The following GRID2 variants were observed in gnomAD, a reference collection of about 807,000 sequenced individuals.
GRID2 encodes the protein glutamate ionotropic receptor delta type subunit 2.
Under a neutral mutation model 114.8 loss-of-function variants are expected in GRID2, and 33 were observed. The ratio of observed to expected loss-of-function variants is 0.29; its 90% CI spans 0.22 to 0.38. The LOEUF is 0.38. Among genes scored for constraint, GRID2 ranks in the 10% least tolerant of loss-of-function variants. The probability of loss-of-function intolerance (pLI) is 1.00; values close to 1 mark genes in which losing one functional copy is unlikely to be tolerated. For missense variants in GRID2, 1,184 were observed against 1,257.7 expected, an observed-to-expected ratio of 0.94 and a Z score of 0.89; for synonymous variants, 505 against 449.9, an observed-to-expected ratio of 1.12 and a Z score of -1.55.
At chr4:92,733,743 AAGTGTAAGATC>A (rs1736445684) in intron 2 of GRID2, among the ~76,000 whole-genome samples, 1 of 152,110 alleles carries the variant, frequency 6.6e-6, no homozygotes, top group Admixed American at 6.6e-5. Context: ...GAGTTAAATC[AAGTGTAAGATC>A]CTGGGGGCTG....
intron 2 of GRID2, among the ~76,000 whole-genome samples, chr4:92,874,993 A>T (rs1299136129): frequency 6.6e-6 from 1 of 152,136 alleles, no homozygotes; most frequent in Admixed American, 6.6e-5. Context: ...TCAAGTGTGT[A>T]TCCATAAAAT....
intron 13 of GRID2, among the ~76,000 whole-genome samples, chr4:93,591,664 C>T (rs558715202): frequency 0.075 from 11,394 of 151,810 alleles, 522 homozygotes; most frequent in Non-Finnish European, 0.11. Flanking sequence ...TGGTAGAATT[C>T]GGCTGTGAAT....
At chr4:92,530,506 C>CAAAAA (rs1178226207) in intron 1 of GRID2, among the ~76,000 whole-genome samples, 1 of 45,822 alleles carries the variant, frequency 2.2e-5, no homozygotes, top group African/African-American at 1.1e-4. Flanking sequence ...GTGACTAGTA[C>CAAAAA]AGAAAAAAAA....
At chr4:92,313,415 C>T (rs1336947869) in intron 1 of GRID2, among the ~76,000 whole-genome samples, 1 of 151,644 alleles carries the variant, frequency 6.6e-6, no homozygotes, top group African/African-American at 2.4e-5. Context: ...ACGAATCTCC[C>T]CTAAAGAAAC....
At chr4:92,914,946 T>C (rs920297440) in intron 2 of GRID2, among the ~76,000 whole-genome samples, 1 of 152,132 alleles carries the variant, frequency 6.6e-6, no homozygotes, top group Admixed American at 6.6e-5. Flanking sequence ...TCTATCTTCA[T>C]GTTGCTATAA....
intron 1 of GRID2, among the ~76,000 whole-genome samples, chr4:92,388,566 ACT>A (rs1403101025): frequency 1.3e-5 from 2 of 151,802 alleles, no homozygotes; most frequent in East Asian, 1.9e-4. Context: ...TGGCTCTAAG[ACT>A]CTCATCTTTT....
rs556997996 is a variant in GRID2 at position 93,085,172 on chromosome 4, A to G, written c.422A>G (p.Asp141Gly). The change falls in exon 3 of 16, where the codon GAC becomes GGC. Residue 141 changes from aspartate to glycine, a missense_variant. Coordinates refer to ENST00000282020, the MANE Select transcript of GRID2 (RefSeq NM_001510.4). ...CTCACCCGGAGCAACAGGAATGATG[A>G]CTACACTCTCTCAGTTCGCCCACCT... ...CGLTRSNRNDDYTLSVRPPVY... is the reference protein window; with the variant it reads ...CGLTRSNRNDGYTLSVRPPVY... 1.1e-5 allele frequency: 18 copies of G among 1,613,972 alleles called. No individual in the cohort carries two copies. In the South Asian group the frequency reaches 2.0e-4, roughly 18 times the overall value.
At chr4:93,644,547 G>A (rs1721931500) in intron 14 of GRID2, among the ~76,000 whole-genome samples, 1 of 152,040 alleles carries the variant, frequency 6.6e-6, no homozygotes, top group Admixed American at 6.6e-5. Flanking sequence ...AATGAACCAA[G>A]ATCCCTTTAG....
At chr4:93,330,171 A>G (rs1307577853) in intron 8 of GRID2, among the ~76,000 whole-genome samples, 2 of 152,170 alleles carry the variant, frequency 1.3e-5, no homozygotes, top group Admixed American at 6.5e-5. Flanking sequence ...CTGCTCCTTT[A>G]TATTCAGGCT....
chr4:93,030,868 G>A (rs542533645), intron 2 of GRID2, among the ~76,000 whole-genome samples: 5 of 151,716 alleles, frequency 3.3e-5, no homozygotes, highest in South Asian at 2.1e-4. Flanking sequence ...AGAGAGGAAA[G>A]GAATGGGAAA....
intron 8 of GRID2, among the ~76,000 whole-genome samples, chr4:93,328,864 T>C (rs996755109): frequency 6.6e-6 from 1 of 152,118 alleles, no homozygotes; most frequent in African/African-American, 2.4e-5. Flanking sequence ...CAATCATTCA[T>C]TGGACTGGAT....
intron 2 of GRID2, among the ~76,000 whole-genome samples, chr4:92,627,598 T>A (rs1219252308): frequency 6.6e-6 from 1 of 152,132 alleles, no homozygotes; most frequent in Admixed American, 6.6e-5. Flanking sequence ...ATTTGTGCAA[T>A]TTAATAATAA....
At chr4:92,314,821 A>C (rs577779237) in intron 1 of GRID2, among the ~76,000 whole-genome samples, 1 of 152,182 alleles carries the variant, frequency 6.6e-6, no homozygotes, top group Admixed American at 6.5e-5. Context: ...TTCAAGTCCC[A>C]AGCATTTCAG....
chr4:93,737,028 T>C (rs1344292731), intron 14 of GRID2, among the ~76,000 whole-genome samples: 1 of 152,042 alleles, frequency 6.6e-6, no homozygotes, highest in African/African-American at 2.4e-5. Context: ...CCATGTACTA[T>C]CTTTGTATCC....
intron 1 of GRID2, among the ~76,000 whole-genome samples, chr4:92,480,642 C>G (rs755942956): frequency 3.9e-5 from 6 of 152,154 alleles, no homozygotes; most frequent in Non-Finnish European, 7.4e-5. Context: ...TGTTGTTTGT[C>G]TTTTCTGCCT....
chr4:93,118,461 T>A (rs920992875), intron 4 of GRID2, among the ~76,000 whole-genome samples: 3 of 152,208 alleles, frequency 2.0e-5, no homozygotes, highest in Non-Finnish European at 4.4e-5. Context: ...CATTTCAGAT[T>A]TGAAAAATAT....
chr4:93,589,795 G>A (rs1378473321), intron 13 of GRID2, among the ~76,000 whole-genome samples: 1 of 152,064 alleles, frequency 6.6e-6, no homozygotes, highest in Non-Finnish European at 1.5e-5. Flanking sequence ...GCATTTCTCT[G>A]ATGGCCAGTG....
At chr4:93,302,455 C>T (rs1754976470) in intron 8 of GRID2, 3 of 407,890 alleles carry the variant, frequency 7.4e-6, no homozygotes, top group Non-Finnish European at 1.5e-5. Flanking sequence ...AGTTATGCCC[C>T]ATCACTAACA....
At chr4:92,931,451 A>G (rs1046382965) in intron 2 of GRID2, among the ~76,000 whole-genome samples, 1 of 151,060 alleles carries the variant, frequency 6.6e-6, no homozygotes, top group Non-Finnish European at 1.5e-5. Flanking sequence ...CCTGTACTCA[A>G]CATTGCATTA....
Sources: gnomAD v4.1 joint callset for allele counts (sites outside exome capture counted in the v4.1 genomes callset) on GRCh38, gnomAD v4.1.1 for gene constraint, MANE v1.5 for transcripts, NCBI Gene and HGNC (gene_info 2026-07-23, HGNC 2026-07-21) for gene names.